The following DNAH11 variants were observed in gnomAD, a reference collection of about 807,000 sequenced individuals.
DNAH11 encodes the protein dynein axonemal heavy chain 11.
A neutral mutation model predicts 526.0 loss-of-function variants in DNAH11; 442 were observed. That is an observed-to-expected ratio of 0.84 (90% CI 0.78 to 0.91). The LOEUF is 0.91. Ranked by LOEUF, DNAH11 falls within the 40% of genes least tolerant of loss-of-function variation. The pLI is 0.00. For synonymous variants in DNAH11, 2,461 were observed against 1,935.9 expected (o/e 1.27, Z -7.12); for missense variants, 6,989 against 5,448.7 (o/e 1.28, Z -8.90).
rs538986570 is a variant in DNAH11 at position 21,744,566 on chromosome 7, A to G, written c.8283A>G (p.Arg2761=). 9 of 1,613,618 alleles carry G rather than the reference A, an allele frequency of 5.6e-6. No homozygotes were observed. The highest frequency in any genetic ancestry group is 7.6e-6 in the Non-Finnish European group (9 of 1,179,804). Reference sequence around the variant, plus strand: ...AAAAAGATTGTGATTTGTTTCAGAGAAGAATGCTGGAAACTGCTTATAAAT... The same window carrying G: ...AAAAAGATTGTGATTTGTTTCAGAGGAGAATGCTGGAAACTGCTTATAAAT... ...IDKKDCDLFQ[R]RMLETAYKYF... is the part of the protein sequence containing the mutation. The change falls in exon 50 of 82, where the codon AGA becomes AGG. Residue 2761 remains arginine, a synonymous_variant. Coordinates refer to ENST00000409508, the MANE Select transcript of DNAH11 (RefSeq NM_001277115.2).
At chr7:21,617,384 A>G (rs1268308964) in intron 22 of DNAH11, among the ~76,000 whole-genome samples, 1 of 152,190 alleles carries the variant, frequency 6.6e-6, no homozygotes, top group East Asian at 1.9e-4. Context: ...ACATTCAGTT[A>G]GATCTTGTGA....
intron 55 of DNAH11, among the ~76,000 whole-genome samples, chr7:21,772,920 T>G (rs1056031102): frequency 5.9e-5 from 9 of 152,200 alleles, no homozygotes; most frequent in African/African-American, 2.2e-4. Context: ...GTGTGTGCAA[T>G]TTTCCCAAAG....
Position 21,741,946 on chromosome 7 carries a change from C to T in DNAH11, c.7934C>T (p.Ala2645Val), listed in dbSNP as rs1002300943. The change falls in exon 49 of 82, where the codon GCA becomes GTA. Residue 2645 changes from alanine (A) to valine (V), a missense_variant. Transcript: ENST00000409508. ...PRLQRHFTVFAFNFPSLDALN... is the reference protein window; with the variant it reads ...PRLQRHFTVFVFNFPSLDALN... ...TTTCAGAGACATTTCACAGTGTTTGCATTCAATTTTCCATCTTTGGATGCA... is the reference window on the plus strand; with the variant it reads ...TTTCAGAGACATTTCACAGTGTTTGTATTCAATTTTCCATCTTTGGATGCA... The T allele has an allele frequency of 1.2e-6, 2 of 1,613,670 alleles. No individual in the cohort carries two copies. Among genetic ancestry groups the T allele is most frequent in the African/African-American group, 2.7e-5 (2 of 74,910 alleles).
In DNAH11 at chr7:21,652,372, C is replaced by G. The variant is rs115948486; in HGVS notation, c.4945-3460C>G. Among the ~76,000 whole-genome samples, 426 of 152,234 alleles carry G rather than the reference C, an allele frequency of 2.8e-3. 2 individuals are homozygous for G. Among genetic ancestry groups the G allele is most frequent in the African/African-American group, 9.8e-3 (408 of 41,546 alleles). ...TGCTTGAAAGGTAAAATGTTGATGGCCGGATATAAATTCAAAGGGAGTATG... is the reference window on the plus strand; with the variant it reads ...TGCTTGAAAGGTAAAATGTTGATGGGCGGATATAAATTCAAAGGGAGTATG... On this transcript the variant is annotated intron_variant, in intron 28 of 81. Coordinates refer to ENST00000409508, the MANE Select transcript of DNAH11 (RefSeq NM_001277115.2).
chr7:21,621,025 A>G (rs1263889662), intron 25 of DNAH11, among the ~76,000 whole-genome samples: 2 of 152,048 alleles, frequency 1.3e-5, no homozygotes. Flanking sequence ...CAATAAACAT[A>G]CGTGTGCATG....
chr7:21,591,109 A>T, intron 13 of DNAH11, 76 bp from the exon 14 acceptor site: 1 of 1,457,774 alleles, frequency 6.9e-7, no homozygotes, highest in Non-Finnish European at 9.1e-7. Flanking sequence ...GATCTATATG[A>T]TATTTTTACA....
chr7:21,827,843 C>G (rs558090816), intron 65 of DNAH11, among the ~76,000 whole-genome samples: 1 of 152,106 alleles, frequency 6.6e-6, no homozygotes, highest in East Asian at 1.9e-4. Context: ...TAGATCTATT[C>G]AAATGAGGAC....
At chr7:21,864,770 A>G in intron 70 of DNAH11, 113 bp downstream of exon 70, 1 of 1,060,854 alleles carries the variant, frequency 9.4e-7, no homozygotes, top group Non-Finnish European at 1.3e-6. Flanking sequence ...GCACCATTTC[A>G]GTTGTAGAAA....
intron 34 of DNAH11, 60 bp downstream of exon 34, chr7:21,687,587 A>T (rs1783435428): frequency 8.3e-6 from 13 of 1,560,900 alleles, no homozygotes; most frequent in Non-Finnish European, 9.6e-6. Context: ...AATGCAGGTA[A>T]CCTCCCCTTC....
At chr7:21,614,234 A>C (rs1785664176) in intron 20 of DNAH11, among the ~76,000 whole-genome samples, 1 of 152,176 alleles carries the variant, frequency 6.6e-6, no homozygotes, top group Non-Finnish European at 1.5e-5. Flanking sequence ...TCTTGGGAGG[A>C]GGATGGGAGA....
chr7:21,705,802 C>T (rs753740480), intron 39 of DNAH11, among the ~76,000 whole-genome samples: 3 of 152,148 alleles, frequency 2.0e-5, no homozygotes, highest in African/African-American at 4.8e-5. Flanking sequence ...GAACTTTCCA[C>T]GTGAGATGTT....
chr7:21,725,558 G>A (rs761719943), intron 44 of DNAH11, among the ~76,000 whole-genome samples: 22 of 152,030 alleles, frequency 1.4e-4, no homozygotes, highest in South Asian at 4.2e-4. Context: ...GAACACCACC[G>A]TTACAATAGT....
chr7:21,623,968 T>C (rs1786206418), intron 25 of DNAH11, among the ~76,000 whole-genome samples: 1 of 150,594 alleles, frequency 6.6e-6, no homozygotes, highest in Admixed American at 6.6e-5. Flanking sequence ...AGTATAATAA[T>C]AATAATAATA....
intron 66 of DNAH11, among the ~76,000 whole-genome samples, 162 bp from the exon 67 acceptor site, chr7:21,852,305 G>T (rs1472033599): frequency 1.3e-5 from 2 of 151,502 alleles, no homozygotes; most frequent in Non-Finnish European, 2.9e-5. Flanking sequence ...TACTCGGGAG[G>T]CTGAGGCAGG....
intron 42 of DNAH11, among the ~76,000 whole-genome samples, chr7:21,714,091 T>G (rs538152720): frequency 6.6e-6 from 1 of 152,332 alleles, no homozygotes; most frequent in South Asian, 2.1e-4. Context: ...CCAAGGCATA[T>G]GTAATTCAGT....
At chr7:21,680,688 C>T (rs76222674) in intron 30 of DNAH11, among the ~76,000 whole-genome samples, 1 of 152,024 alleles carries the variant, frequency 6.6e-6, no homozygotes, top group African/African-American at 2.4e-5. Context: ...GAAAAAAGAC[C>T]AGCAGTTTGA....
At chr7:21,747,822 A>C (rs1016281680) in intron 51 of DNAH11, among the ~76,000 whole-genome samples, 29 of 152,226 alleles carry the variant, frequency 1.9e-4, no homozygotes, top group African/African-American at 7.0e-4. Context: ...CTGTTGGTCT[A>C]AACAAATCCA....
intron 81 of DNAH11, chr7:21,900,780 A>G: frequency 2.2e-6 from 1 of 462,812 alleles, no homozygotes; most frequent in Non-Finnish European, 3.6e-6. Flanking sequence ...GCTTACTTCC[A>G]CAGGAAAGTT....
intron 65 of DNAH11, among the ~76,000 whole-genome samples, chr7:21,835,767 A>G (rs1049643148): frequency 1.3e-5 from 2 of 151,970 alleles, no homozygotes; most frequent in East Asian, 3.9e-4. Context: ...GCAGCAAGTA[A>G]GTAAGAGAAC....
Sources: gnomAD v4.1 joint callset for allele counts (sites outside exome capture counted in the v4.1 genomes callset) on GRCh38, gnomAD v4.1.1 for gene constraint, MANE v1.5 for transcripts, NCBI Gene and HGNC (gene_info 2026-07-23, HGNC 2026-07-21) for gene names.